The following SARS2 variants were observed in gnomAD, a reference collection of about 807,000 sequenced individuals.
SARS2 encodes the protein seryl-tRNA synthetase 2, mitochondrial.
A neutral mutation model predicts 66.8 loss-of-function variants in SARS2; 52 were observed. The observed-to-expected ratio is 0.78, with a 90% CI of 0.62 to 0.98. The LOEUF (loss-of-function observed/expected upper bound fraction) is 0.98, where lower values mean the gene tolerates loss of function less well. SARS2 is among the 50% of genes least tolerant of loss of function. The pLI is 0.00. For missense variants in SARS2, 673 were observed against 706.3 expected (o/e 0.95, Z 0.53); for synonymous variants, 306 against 281.4 (o/e 1.09, Z -0.87).
In SARS2 at chr19:38,921,373, G is replaced by A. The variant is rs754757618; in HGVS notation, c.589+19C>T. The A allele has an allele frequency of 2.8e-5, 45 of 1,612,344 alleles. No individual in the cohort carries two copies. Among genetic ancestry groups the A allele is most frequent in the Non-Finnish European group, 3.5e-5 (41 of 1,179,788 alleles). On this transcript the variant is annotated intron_variant, in intron 5 of 15. Transcript: ENST00000221431. ...ACACCGCAGGGCTTGTCAGCTCCCA[G>A]GCCTGGGGTGTGGCCCACCTGGCTT...
intron 1 of SARS2, among the ~76,000 whole-genome samples, chr19:38,926,678 C>G (rs1974633411): frequency 6.6e-6 from 1 of 152,132 alleles, no homozygotes; most frequent in Non-Finnish European, 1.5e-5. Context: ...CCCAGCTACC[C>G]AGGAGGCTGA....
At chr19:38,930,387 C>T (rs1974712927) in intron 1 of SARS2, 83 bp downstream of exon 1, 2 of 1,492,060 alleles carry the variant, frequency 1.3e-6, no homozygotes, top group Admixed American at 2.2e-5. Flanking sequence ...TACAGGTTCG[C>T]CCCCTGCCGG....
chr19:38,930,752 A>C lies in SARS2; in HGVS notation c.-16T>G, dbSNP rs1291383355. 6.2e-7 allele frequency: 1 copy of C among 1,610,944 alleles called. No individual in the cohort carries two copies. The highest frequency in any genetic ancestry group is 8.5e-7 in the Non-Finnish European group (1 of 1,179,982). On this transcript the variant is annotated 5_prime_UTR_variant, in exon 1 of 16. Coordinates refer to ENST00000221431, the MANE Select transcript of SARS2 (RefSeq NM_017827.4). ...ACGCAGCCATCTTGGACCGGGAACA[A>C]GGCGGCACTTCGTCCCGCCCACTCC...
rs780741245 is a variant in SARS2 at position 38,915,617 on chromosome 19, C to A, written c.1546G>T (p.Ala516Ser). The change falls in exon 16 of 16, where the codon GCT becomes TCT. Residue 516 changes from alanine (A) to serine (S), a missense_variant. By Grantham distance (99) the Ala-to-Ser change is moderately conservative. Coordinates refer to ENST00000221431, the MANE Select transcript of SARS2 (RefSeq NM_017827.4). The stretch of plus-strand genomic sequence containing the variant: ...CTGTGGGTGGGTTCTTAGCTTACAG[C>A]AGGCTGGCCAGGCAGCCCAGGCTTC... ...PRKPGLPGQP[A>S]VS 8 of 1,612,328 alleles carry A rather than the reference C, an allele frequency of 5.0e-6. No individual in the cohort carries two copies. The highest frequency in any genetic ancestry group is 1.1e-5 in the South Asian group (1 of 90,984).
At chr19:38,922,808 C>T (rs551771762) in intron 2 of SARS2, among the ~76,000 whole-genome samples, 76 of 152,284 alleles carry the variant, frequency 5.0e-4, no homozygotes, top group African/African-American at 1.8e-3. Context: ...CTTGCTTCCC[C>T]TTCCGCCATG....
chr19:38,923,087 C>T (rs1334876554), intron 2 of SARS2, among the ~76,000 whole-genome samples: 5 of 148,108 alleles, frequency 3.4e-5, no homozygotes, highest in African/African-American at 1.2e-4. Flanking sequence ...TTGTATTTTT[C>T]GTAGAGACAA....
chr19:38,916,270 C>T lies in SARS2; in HGVS notation c.1205G>A (p.Arg402His), dbSNP rs370842354. 100 of 1,613,932 alleles carry T rather than the reference C, an allele frequency of 6.2e-5. No homozygotes were observed. Among genetic ancestry groups the T allele is most frequent in the Non-Finnish European group, 8.3e-5 (98 of 1,179,978 alleles). ...CATCCAGGCCTCAATGTCAAACTTG[C>T]GGTAGGCGGGGAGGCCCAGTTCTTG... ...PTQELGLPAY[R>H]KFDIEAWMPG... Residue 402 changes from arginine to histidine, a missense_variant, in exon 13 of 16, where the codon CGC (arginine) becomes CAC (histidine). Transcript: ENST00000221431.
chr19:38,921,271 G>A (rs1268296686), intron 5 of SARS2, 121 bp downstream of exon 5: 2 of 1,061,438 alleles, frequency 1.9e-6, no homozygotes, highest in Non-Finnish European at 2.8e-6. Context: ...GCCACCTCCT[G>A]TACCGCCAGG....
At position 38,916,035 on chromosome 19, in the gene SARS2, AC is replaced by A; in HGVS notation, c.1347+1del. On this transcript the variant is annotated splice_donor_variant, in intron 14 of 15. Transcript: ENST00000221431. LOFTEE classifies it high-confidence loss of function. The stretch of plus-strand genomic sequence containing the variant: ...GCGGGCAGGAGGCTGTGCGGGCCTC[AC>A]CGTGTGGGCAAACTGCAGCTCCCCA... 6.2e-7 allele frequency: 1 copy of A among 1,613,438 alleles called. No homozygotes were observed. The highest frequency in any genetic ancestry group is 8.5e-7 in the Non-Finnish European group (1 of 1,179,880).
chr19:38,920,582 TACAC>T lies in SARS2; in HGVS notation c.590-437_590-434del, dbSNP rs367666089. 2.0e-5 allele frequency among the ~76,000 whole-genome samples: 3 copies of T among 149,060 alleles called. No individual in the cohort carries two copies. The East Asian group carries it at 6.0e-4, about 30-fold the overall frequency. On this transcript the variant is annotated intron_variant, in intron 5 of 15. Coordinates refer to ENST00000221431, the MANE Select transcript of SARS2 (RefSeq NM_017827.4). ...ACACACACACACTCACACACATACA[TACAC>T]ACACAGAGATACACACAGAGGTACG...
rs561982859 is a variant in SARS2, at chr19:38,930,350, A to G, written c.267+120T>C. On this transcript the variant is annotated intron_variant, in intron 1 of 15. Transcript: ENST00000221431. ...GGGTGCCATGCACAAGACGTTGGCT[A>G]ACTTGGGAAATAACTAAAATTCCTA... 2.7e-4 allele frequency: 361 copies of G among 1,324,238 alleles called. 1 individual carries two copies. Among genetic ancestry groups the G allele is most frequent in the Middle Eastern group, 1.6e-3 (6 of 3,714 alleles). 82.0% of individuals were successfully genotyped at this position (1,324,238 alleles called of 1,614,324 possible). A position where few individuals can be genotyped will look rare whatever the true frequency, so the allele number is the denominator to read the frequency against.
At chr19:38,926,991 T>C (rs1177459282) in intron 1 of SARS2, among the ~76,000 whole-genome samples, 1 of 149,408 alleles carries the variant, frequency 6.7e-6, no homozygotes, top group African/African-American at 2.5e-5. Context: ...GGCTGGAGTG[T>C]AGTGGCATGA....
intron 6 of SARS2, 85 bp from the exon 7 acceptor site, chr19:38,919,952 G>C (rs1049235263): frequency 5.0e-6 from 7 of 1,399,912 alleles, no homozygotes; most frequent in Non-Finnish European, 7.0e-6. Context: ...AAGAGGCCCG[G>C]CTGCTGGGTG....
intron 2 of SARS2, among the ~76,000 whole-genome samples, chr19:38,925,308 G>A (rs958530340): frequency 6.6e-6 from 1 of 152,032 alleles, no homozygotes; most frequent in Non-Finnish European, 1.5e-5. Flanking sequence ...GTGAGACTCG[G>A]TCTCAAAAAA....
Position 38,916,125 on chromosome 19 carries a change from G to T in SARS2, c.1259C>A (p.Thr420Asn). 6.2e-7 allele frequency: 1 copy of T among 1,613,944 alleles called. No individual in the cohort carries two copies. Residue 420 changes from threonine (T) to asparagine (N), a missense_variant, in exon 14 of 16, where the codon ACC becomes AAC. Transcript: ENST00000221431. ...MPGRGRFGEV[T>N]SASNCTDFQS... Reference sequence around the variant, plus strand: ...GAAGTCTGTGCAGTTGGAAGCACTGGTGACCTGGGGTGGAGGAGCGGCAGG... The same window carrying T: ...GAAGTCTGTGCAGTTGGAAGCACTGTTGACCTGGGGTGGAGGAGCGGCAGG...
At chr19:38,926,521 C>T (rs1600172074) in intron 1 of SARS2, among the ~76,000 whole-genome samples, 1 of 152,338 alleles carries the variant, frequency 6.6e-6, no homozygotes, top group South Asian at 2.1e-4. Flanking sequence ...CATAGTGGCT[C>T]ATAACTATAA....
intron 1 of SARS2, among the ~76,000 whole-genome samples, chr19:38,926,849 G>C (rs1974636717): frequency 6.6e-6 from 1 of 151,986 alleles, no homozygotes; most frequent in Admixed American, 6.5e-5. Flanking sequence ...GGCACTTTGG[G>C]AGGCCTAGGT....
At chr19:38,923,935 C>G (rs1376580905) in intron 2 of SARS2, among the ~76,000 whole-genome samples, 1 of 151,606 alleles carries the variant, frequency 6.6e-6, no homozygotes, top group Non-Finnish European at 1.5e-5. Context: ...GATAGTGCCA[C>G]TGCAGTCTGG....
chr19:38,929,727 T>G (rs1396908229), intron 1 of SARS2, among the ~76,000 whole-genome samples: 1 of 151,990 alleles, frequency 6.6e-6, no homozygotes, highest in African/African-American at 2.4e-5. Context: ...CTTCATAGAG[T>G]TGCTGTGAAA....
Sources: gnomAD v4.1 joint callset for allele counts (sites outside exome capture counted in the v4.1 genomes callset) on GRCh38, gnomAD v4.1.1 for gene constraint, MANE v1.5 for transcripts, NCBI Gene and HGNC (gene_info 2026-07-23, HGNC 2026-07-21) for gene names.